Variants in NRG1 observed in about 807,000 individuals in gnomAD.
NRG1 encodes neuregulin 1.
NRG1 carries 18 observed loss-of-function variants against 63.8 expected under a neutral mutation model. The observed-to-expected ratio is 0.28, with a 90% confidence interval of 0.19 to 0.42. The LOEUF is 0.42. Among genes scored for constraint, NRG1 ranks in the 10% least tolerant of loss-of-function variants. NRG1 has a pLI of 1.00. For synonymous variants in NRG1, 302 were observed against 301.3 expected (o/e 1.00, Z -0.02); for missense variants, 762 against 814.7 (o/e 0.94, Z 0.79).
At chr8:32,688,701 C>T (rs1303994027) in intron 5 of NRG1, among the ~76,000 whole-genome samples, 2 of 152,130 alleles carry the variant, frequency 1.3e-5, no homozygotes, top group Non-Finnish European at 2.9e-5. Flanking sequence ...AGTGTAATAA[C>T]AGTGACTTTT....
chr8:31,732,765 C>T (rs1327897611), intron 1 of NRG1, among the ~76,000 whole-genome samples: 1 of 152,058 alleles, frequency 6.6e-6, no homozygotes, highest in Admixed American at 6.6e-5. Flanking sequence ...CATGGTGATG[C>T]GCCCCTGTAA....
chr8:32,076,720 T>TCA (rs1554619406), intron 1 of NRG1, among the ~76,000 whole-genome samples: 2 of 147,792 alleles, frequency 1.4e-5, no homozygotes, highest in African/African-American at 5.0e-5. Flanking sequence ...TGAACTTAAG[T>TCA]AAAAAAAAAA....
chr8:32,507,719 A>G (rs1463683682), intron 1 of NRG1, among the ~76,000 whole-genome samples: 1 of 152,202 alleles, frequency 6.6e-6, no homozygotes, highest in Non-Finnish European at 1.5e-5. Context: ...CAAATGAGTG[A>G]CAGGGTCTCA....
intron 3 of NRG1, among the ~76,000 whole-genome samples, chr8:32,612,886 T>C (rs1846618695): frequency 6.6e-6 from 1 of 151,446 alleles, no homozygotes; most frequent in African/African-American, 2.4e-5. Flanking sequence ...GGTCCTTTGT[T>C]TGGAAACATG....
intron 1 of NRG1, among the ~76,000 whole-genome samples, chr8:32,524,966 A>C (rs1771741327): frequency 6.6e-6 from 1 of 152,238 alleles, no homozygotes; most frequent in South Asian, 2.1e-4. Flanking sequence ...AAGTAGGAAA[A>C]GCTTTTCCGT....
intron 1 of NRG1, among the ~76,000 whole-genome samples, chr8:32,242,030 G>C (rs1282258160): frequency 6.6e-6 from 1 of 152,136 alleles, no homozygotes; most frequent in Non-Finnish European, 1.5e-5. Context: ...TGGGATTACA[G>C]GTGTGAGCCT....
chr8:32,684,219 A>G (rs1809470403), intron 5 of NRG1, among the ~76,000 whole-genome samples: 1 of 152,302 alleles, frequency 6.6e-6, no homozygotes, highest in Non-Finnish European at 1.5e-5. Context: ...CAATGTTAAC[A>G]AATCAGAAGG....
chr8:32,772,069 A>G (rs1467237064), downstream of NRG1, among the ~76,000 whole-genome samples: 1 of 12,294 alleles, frequency 8.1e-5, no homozygotes, highest in African/African-American at 1.9e-4. Context: ...ATATATATAT[A>G]TATATATATA....
chr8:32,491,637 GC>G (rs1826572013), intron 1 of NRG1, among the ~76,000 whole-genome samples: 1 of 151,484 alleles, frequency 6.6e-6, no homozygotes, highest in South Asian at 2.1e-4. Flanking sequence ...CCAGGCTCTA[GC>G]CATCTGCATA....
intron 1 of NRG1, chr8:32,139,617 T>C (rs558580836): frequency 6.6e-6 from 1 of 152,196 alleles, no homozygotes; most frequent in South Asian, 2.1e-4. Context: ...CATTTGCTTT[T>C]TAAGAAGTAT....
chr8:32,365,135 G>C (rs1405123955), intron 1 of NRG1, among the ~76,000 whole-genome samples: 2 of 151,856 alleles, frequency 1.3e-5, no homozygotes, highest in Non-Finnish European at 2.9e-5. Context: ...CAGTCTACCT[G>C]CCTTAGCTTC....
chr8:31,863,769 C>T (rs1828690923), intron 1 of NRG1, among the ~76,000 whole-genome samples: 1 of 152,174 alleles, frequency 6.6e-6, no homozygotes, highest in Non-Finnish European at 1.5e-5. Context: ...TTCTGGAAAG[C>T]CTTCTAGACA....
At chr8:31,860,424 A>G (rs571427500) in intron 1 of NRG1, among the ~76,000 whole-genome samples, 1 of 152,340 alleles carries the variant, frequency 6.6e-6, no homozygotes, top group South Asian at 2.1e-4. Flanking sequence ...CATGGTGGGC[A>G]TTTAGTCGTG....
chr8:31,780,588 G>A (rs750206199), intron 1 of NRG1, among the ~76,000 whole-genome samples: 23 of 152,092 alleles, frequency 1.5e-4, no homozygotes, highest in African/African-American at 4.8e-4. Context: ...ATTGACCTGC[G>A]TTAGAATTTC....
chr8:32,604,642 A>G (rs1844946974), intron 2 of NRG1, among the ~76,000 whole-genome samples: 1 of 152,088 alleles, frequency 6.6e-6, no homozygotes, highest in African/African-American at 2.4e-5. Context: ...ATCATGGCAC[A>G]CTACAGCCTT....
At chr8:32,548,723 C>G in exon 1 of NRG1, 1 of 1,576,902 alleles carries the variant, frequency 6.3e-7, no homozygotes, top group Non-Finnish European at 8.6e-7. Flanking sequence ...CCGTCTCCGG[C>G]GAGATGTCCG....
rs772546941 is a variant in NRG1 at position 32,397,409 on chromosome 8, TACTC to T, written c.38-198417_38-198414del. 1.5e-3 allele frequency among the ~76,000 whole-genome samples: 227 copies of T among 152,214 alleles called. 1 individual carries two copies. Among genetic ancestry groups the T allele is most frequent in the African/African-American group, 5.0e-3 (209 of 41,556 alleles). On this transcript the variant is annotated intron_variant, in intron 1 of 10. Transcript: ENST00000519301. ...AACTTGGTGCCTTGTACATAATAAA[TACTC>T]AATAAATGTATTTAAATTTTGAACA...
chr8:32,174,168 T>A (rs956985323), intron 1 of NRG1, among the ~76,000 whole-genome samples: 14 of 151,690 alleles, frequency 9.2e-5, no homozygotes, highest in African/African-American at 1.7e-4. Context: ...ATCAAACTAG[T>A]ACTCAGGATT....
chr8:32,295,381 T>G (rs887991860), intron 1 of NRG1, among the ~76,000 whole-genome samples: 4 of 152,140 alleles, frequency 2.6e-5, no homozygotes, highest in Non-Finnish European at 5.9e-5. Context: ...GAAGAGATTC[T>G]GATGAAACTG....
Sources: gnomAD v4.1 joint callset for allele counts (sites outside exome capture counted in the v4.1 genomes callset) on GRCh38, gnomAD v4.1.1 for gene constraint, MANE v1.5 for transcripts, NCBI Gene and HGNC (gene_info 2026-07-23, HGNC 2026-07-21) for gene names.